GNE: variants seen among roughly 807,000 people sequenced by gnomAD.
GNE encodes the protein glucosamine (UDP-N-acetyl)-2-epimerase/N-acetylmannosamine kinase, also known as bifunctional UDP-N-acetylglucosamine 2-epimerase/N-acetylmannosamine kinase.
Under a neutral mutation model 61.8 loss-of-function variants are expected in GNE, and 41 were observed. The observed-to-expected ratio is 0.66, with a 90% CI of 0.52 to 0.86. The LOEUF (loss-of-function observed/expected upper bound fraction) is 0.86. Ranked by LOEUF, GNE falls within the 40% of genes least tolerant of loss-of-function variation. The pLI is 0.00. For missense variants in GNE, 608 were observed against 909.1 expected (o/e 0.67, Z 4.26); for synonymous variants, 264 against 326.4 (o/e 0.81, Z 2.06).
At chr9:36,260,081 T>A (rs1346205482), upstream of GNE, among the ~76,000 whole-genome samples, 4 of 151,638 alleles carry the variant, frequency 2.6e-5, no homozygotes, top group Non-Finnish European at 1.5e-5. Context: ...GAGACTTAAT[T>A]ATAGGTTAGA....
At chr9:36,253,205 G>A (rs888656630) in intron 1 of GNE, among the ~76,000 whole-genome samples, 1 of 150,252 alleles carries the variant, frequency 6.7e-6, no homozygotes, top group African/African-American at 2.5e-5. Context: ...GTATGTATGT[G>A]TATACATACA....
At chr9:36,238,212 CTT>C (rs1829483990) in intron 3 of GNE, among the ~76,000 whole-genome samples, 1 of 152,194 alleles carries the variant, frequency 6.6e-6, no homozygotes, top group Non-Finnish European at 1.5e-5. Context: ...GGTTCCATGA[CTT>C]TGCAATTGTG....
At chr9:36,229,828 C>T (rs1051412148) in intron 5 of GNE, among the ~76,000 whole-genome samples, 6 of 152,138 alleles carry the variant, frequency 3.9e-5, no homozygotes, top group Non-Finnish European at 7.3e-5. Context: ...CCCATGCCCA[C>T]ACCCTGCTAT....
rs565143496 is a variant in GNE, at chr9:36,223,571, C to G, written c.1282-69G>C. The G allele has an allele frequency of 4.2e-4, 628 of 1,508,620 alleles. 5 individuals are homozygous for G. The South Asian group carries it at 6.1e-3, about 15-fold the overall frequency. The allele number at this position is 1,508,620 out of a possible 1,614,324, so 93.5% of individuals were successfully genotyped here. On this transcript the variant is annotated intron_variant, in intron 7 of 11. Transcript: ENST00000642385. ...AGCAGCATATTGTGAGTGTTGTGAT[C>G]TTTTTCATGACAAATTAGACACTGC...
chr9:36,269,475 A>C (rs777622086), intron 1 of GNE, among the ~76,000 whole-genome samples: 2 of 151,458 alleles, frequency 1.3e-5, no homozygotes, highest in Non-Finnish European at 2.9e-5. Flanking sequence ...TTCAAACTCA[A>C]TATATGAAAG....
chr9:36,262,981 A>T (rs1370343185), upstream of GNE, among the ~76,000 whole-genome samples: 2 of 152,178 alleles, frequency 1.3e-5, no homozygotes, highest in East Asian at 3.8e-4. Context: ...AATTCTGTAT[A>T]TACCCCCTAC....
intron 1 of GNE, among the ~76,000 whole-genome samples, chr9:36,275,389 T>G (rs572102706): frequency 6.6e-6 from 1 of 152,248 alleles, no homozygotes; most frequent in African/African-American, 2.4e-5. Context: ...GGCATGAGAA[T>G]AGCATACAGG....
At chr9:36,261,844 A>G (rs2133176951), upstream of GNE, among the ~76,000 whole-genome samples, 2 of 151,016 alleles carry the variant, frequency 1.3e-5, no homozygotes, top group South Asian at 4.2e-4. Flanking sequence ...AATGGCGTGA[A>G]CCCGGGAGGC....
chr9:36,236,065 C>T (rs1829378300), intron 4 of GNE, among the ~76,000 whole-genome samples: 1 of 152,120 alleles, frequency 6.6e-6, no homozygotes, highest in African/African-American at 2.4e-5. Flanking sequence ...TGGCTGGGGA[C>T]TCCAGATTTA....
At chr9:36,268,342 A>G (rs1285518694) in intron 1 of GNE, among the ~76,000 whole-genome samples, 1 of 152,132 alleles carries the variant, frequency 6.6e-6, no homozygotes, top group African/African-American at 2.4e-5. Flanking sequence ...TGTTGGATCA[A>G]CACAATTATG....
intron 2 of GNE, among the ~76,000 whole-genome samples, chr9:36,247,344 C>T (rs1314086526): frequency 1.3e-5 from 2 of 152,082 alleles, no homozygotes; most frequent in Admixed American, 1.3e-4. Context: ...TGTGAGCCAC[C>T]GTGCCTGGCC....
Position 36,217,264 on chromosome 9 carries a change from T to C in GNE, c.*101A>G. Reference sequence around the variant, plus strand: ...TTTCTCTGCCAAAGTCACCTGCAGTTCAATACCAGATTTGATTGTTAAGAA... The same window carrying C: ...TTTCTCTGCCAAAGTCACCTGCAGTCCAATACCAGATTTGATTGTTAAGAA... On this transcript the variant is annotated 3_prime_UTR_variant, in exon 12 of 12. Transcript: ENST00000642385. 2 of 822,784 alleles carry C rather than the reference T, an allele frequency of 2.4e-6. No homozygotes were observed. Among genetic ancestry groups the C allele is most frequent in the Non-Finnish European group, 4.1e-6 (2 of 489,552 alleles). 51.0% of individuals were successfully genotyped at this position (822,784 alleles called of 1,614,324 possible). A position where few individuals can be genotyped will look rare whatever the true frequency, so the allele number is the denominator to read the frequency against.
intron 1 of GNE, among the ~76,000 whole-genome samples, chr9:36,268,753 C>T (rs1289759050): frequency 6.6e-6 from 1 of 152,190 alleles, no homozygotes; most frequent in African/African-American, 2.4e-5. Flanking sequence ...ATATCAGTAA[C>T]ACGCTTCTGG....
chr9:36,241,550 C>T (rs1017950306), intron 3 of GNE, among the ~76,000 whole-genome samples: 1 of 152,194 alleles, frequency 6.6e-6, no homozygotes, highest in African/African-American at 2.4e-5. Context: ...AAAGTTTGCA[C>T]CTGCTTCTCC....
intron 2 of GNE, among the ~76,000 whole-genome samples, chr9:36,247,151 G>A (rs193263409): frequency 3.0e-4 from 46 of 152,020 alleles, no homozygotes; most frequent in Middle Eastern, 3.4e-3. Context: ...CCACCTCCCA[G>A]GTTCAAGCGA....
intron 7 of GNE, among the ~76,000 whole-genome samples, chr9:36,223,731 A>G (rs1371951260): frequency 6.6e-6 from 1 of 150,986 alleles, no homozygotes; most frequent in African/African-American, 2.4e-5. Flanking sequence ...TGACAACTCC[A>G]CAGGCAGCAA....
chr9:36,251,579 G>A (rs558182103), intron 1 of GNE, among the ~76,000 whole-genome samples: 1 of 152,080 alleles, frequency 6.6e-6, no homozygotes, highest in African/African-American at 2.4e-5. Context: ...ATACACCACT[G>A]AGCCAGACTT....
At chr9:36,276,496 G>A (rs905713746) in intron 1 of GNE, among the ~76,000 whole-genome samples, 1 of 152,126 alleles carries the variant, frequency 6.6e-6, no homozygotes, top group East Asian at 1.9e-4. Context: ...TACAAATCAG[G>A]CAGCTCTACA....
At chr9:36,227,505 T>C in intron 6 of GNE, 47 bp from the exon 7 acceptor site, 1 of 1,159,214 alleles carries the variant, frequency 8.6e-7, no homozygotes, top group Non-Finnish European at 1.3e-6. Context: ...CTGCCATACA[T>C]GTTAAGTGGT....
Sources: allele counts gnomAD v4.1 joint callset (sites outside exome capture counted in the v4.1 genomes callset), GRCh38; gene constraint gnomAD v4.1.1; transcripts MANE v1.5; gene names NCBI Gene and HGNC (gene_info 2026-07-23, HGNC 2026-07-21).